The following TMOD1 variants were observed in gnomAD, a reference collection of about 807,000 sequenced individuals.
TMOD1 encodes the protein tropomodulin 1.
A neutral mutation model predicts 40.6 loss-of-function variants in TMOD1; 17 were observed. The ratio of observed to expected loss-of-function variants is 0.42; its 90% CI spans 0.29 to 0.63. The LOEUF is 0.63. Among genes scored for constraint, TMOD1 ranks in the 20% least tolerant of loss-of-function variants. The pLI is 0.22. For missense variants in TMOD1, 391 were observed against 447.6 expected (o/e 0.87, Z 1.14); for synonymous variants, 181 against 175.0 (o/e 1.03, Z -0.27).
rs1229170873 is a variant in TMOD1, at chr9:97,550,255, T to C, written c.278-3026T>C. ...TATACCTGAATGATATTCCACAATT[T>C]GTGTATCCATTCATCCACTGGTAAA... On this transcript the variant is annotated intron_variant, in intron 3 of 9. Transcript: ENST00000259365. 2.0e-5 allele frequency among the ~76,000 whole-genome samples: 3 copies of C among 152,246 alleles called. No homozygotes were observed. The South Asian group carries it at 6.2e-4, about 32-fold the overall frequency.
chr9:97,553,678 C>T (rs562753916), intron 4 of TMOD1, among the ~76,000 whole-genome samples: 15 of 152,264 alleles, frequency 9.9e-5, no homozygotes, highest in East Asian at 1.9e-4. Flanking sequence ...AGCCCACAGA[C>T]GCCCTTTCCC....
intron 4 of TMOD1, among the ~76,000 whole-genome samples, chr9:97,558,288 T>C (rs1382235180): frequency 6.6e-6 from 1 of 152,232 alleles, no homozygotes; most frequent in Admixed American, 6.5e-5. Context: ...TTTTAGAACT[T>C]TAGAACTGCT....
intron 9 of TMOD1, 103 bp downstream of exon 9, chr9:97,591,538 T>C: frequency 7.3e-7 from 1 of 1,365,534 alleles, no homozygotes; most frequent in South Asian, 1.4e-5. Flanking sequence ...CCGAGTCTTC[T>C]TGAGCCTTGA....
intron 2 of TMOD1, among the ~76,000 whole-genome samples, chr9:97,531,033 A>ACCCCCCCCCCCCCCCCC (rs202030181): frequency 7.7e-5 from 6 of 78,254 alleles, no homozygotes; most frequent in Non-Finnish European, 1.5e-4. Context: ...GGTGATCCAC[A>ACCCCCCCCCCCCCCCCC]CCCACCCCCC....
chr9:97,553,145 C>T (rs1054651843), intron 3 of TMOD1, 136 bp from the exon 4 acceptor site: 14 of 1,306,872 alleles, frequency 1.1e-5, no homozygotes, highest in Non-Finnish European at 1.4e-5. Flanking sequence ...AGTTGGTCCC[C>T]AGAGGGAGAA....
chr9:97,539,203 G>A (rs113762991), intron 2 of TMOD1, among the ~76,000 whole-genome samples: 2 of 152,236 alleles, frequency 1.3e-5, no homozygotes, highest in African/African-American at 4.8e-5. Context: ...TTTAGCAGAT[G>A]TTTATTGAAT....
Position 97,528,237 on chromosome 9 carries a change from G to A in TMOD1, c.120+3929G>A, listed in dbSNP as rs1046909505. 2.0e-5 allele frequency among the ~76,000 whole-genome samples: 3 copies of A among 152,152 alleles called. No homozygotes were observed. In the South Asian group the frequency reaches 6.2e-4, roughly 32 times the overall value. Reference sequence around the variant, plus strand: ...AGCACCTGGGGCTCAACTTGCTGACGGTCGCAGGACCCAGGCAGGCACGGA... The same window carrying A: ...AGCACCTGGGGCTCAACTTGCTGACAGTCGCAGGACCCAGGCAGGCACGGA... On this transcript the variant is annotated intron_variant, in intron 2 of 9. Transcript: ENST00000259365.
At chr9:97,536,550 G>T (rs553631679) in intron 2 of TMOD1, among the ~76,000 whole-genome samples, 2 of 152,252 alleles carry the variant, frequency 1.3e-5, no homozygotes, top group Admixed American at 1.3e-4. Context: ...CCACTCCCCT[G>T]CTTTCTAACA....
intron 2 of TMOD1, among the ~76,000 whole-genome samples, chr9:97,530,845 C>T (rs1347961047): frequency 3.7e-4 from 47 of 126,506 alleles, no homozygotes; most frequent in African/African-American, 1.3e-3. Flanking sequence ...TGGAGTGCAA[C>T]GGCGTGATCT....
rs1410557386 is a variant in TMOD1, at chr9:97,599,634, T to C, written c.1016T>C (p.Val339Ala). 1 of 1,614,104 alleles carries C rather than the reference T, an allele frequency of 6.2e-7. No individual in the cohort carries two copies. Among genetic ancestry groups the C allele is most frequent in the South Asian group, 1.1e-5 (1 of 91,078 alleles). Residue 339 changes from valine (V) to alanine (A), a missense_variant and splice_region_variant, in exon 10 of 10, where the codon GTG becomes GCG. Coordinates refer to ENST00000259365, the MANE Select transcript of TMOD1 (RefSeq NM_003275.4). Reference sequence around the variant, plus strand: ...ATATCTTATCTCCATTCCTTTCCAGTGAGGAAGAGGAGGCTTGCGGACCTG... The same window carrying C: ...ATATCTTATCTCCATTCCTTTCCAGCGAGGAAGAGGAGGCTTGCGGACCTG... Reference protein sequence around the residue: ...SNAMMNNNDLVRKRRLADLTG... With the variant: ...SNAMMNNNDLARKRRLADLTG...
chr9:97,563,984 A>T, intron 5 of TMOD1, 54 bp from the exon 6 acceptor site: 1 of 1,581,960 alleles, frequency 6.3e-7, no homozygotes, highest in Non-Finnish European at 8.6e-7. Context: ...TTGTGTTGGC[A>T]GAAAGTGAGC....
chr9:97,569,155 T>C, intron 8 of TMOD1, 118 bp downstream of exon 8: 1 of 1,344,338 alleles, frequency 7.4e-7, no homozygotes, highest in Non-Finnish European at 1.0e-6. Flanking sequence ...AGAGCCCAGC[T>C]TTGAGGGACC....
chr9:97,564,324 C>T (rs1830693650), intron 6 of TMOD1, among the ~76,000 whole-genome samples, 156 bp downstream of exon 6: 1 of 152,114 alleles, frequency 6.6e-6, no homozygotes, highest in Admixed American at 6.5e-5. Flanking sequence ...AAAACCTTTG[C>T]AAATGGGAGC....
In TMOD1 at chr9:97,524,247, G is replaced by A; in HGVS notation, c.59G>A (p.Gly20Glu). ...GACCTGGATGAAGATGAAATCCTTG[G>A]AGCCCTAACAGAGGAAGAGCTGAGG... ...YRDLDEDEIL[G>E]ALTEEELRTL... The change falls in exon 2 of 10, where the codon GGA becomes GAA. Residue 20 changes from glycine (G) to glutamate (E), a missense_variant. By Grantham distance (98) the Gly-to-Glu change is moderately conservative (BLOSUM62 -2). Coordinates refer to ENST00000259365, the MANE Select transcript of TMOD1 (RefSeq NM_003275.4). The A allele has an allele frequency of 6.2e-7, 1 of 1,614,196 alleles. No individual in the cohort carries two copies. Among genetic ancestry groups the A allele is most frequent in the South Asian group, 1.1e-5 (1 of 91,084 alleles).
At chr9:97,580,552 G>A (rs1825727165) in intron 8 of TMOD1, among the ~76,000 whole-genome samples, 1 of 151,854 alleles carries the variant, frequency 6.6e-6, no homozygotes, top group Non-Finnish European at 1.5e-5. Context: ...GCTGCAGTGA[G>A]CCGAGATTGC....
At chr9:97,542,559 A>G (rs1716425644) in intron 2 of TMOD1, among the ~76,000 whole-genome samples, 1 of 152,182 alleles carries the variant, frequency 6.6e-6, no homozygotes, top group African/African-American at 2.4e-5. Context: ...TGCCCCTCAA[A>G]GGAAATTTGG....
intron 1 of TMOD1, among the ~76,000 whole-genome samples, chr9:97,511,041 A>G (rs1829687314): frequency 6.6e-6 from 1 of 151,694 alleles, no homozygotes; most frequent in Non-Finnish European, 1.5e-5. Flanking sequence ...ACCCCAAGAG[A>G]TGCAAAATGA....
At chr9:97,534,259 C>T (rs376904896) in intron 2 of TMOD1, among the ~76,000 whole-genome samples, 3 of 152,158 alleles carry the variant, frequency 2.0e-5, no homozygotes, top group Non-Finnish European at 2.9e-5. Flanking sequence ...AAGCTTGAAT[C>T]GGGGACGATT....
chr9:97,595,534 T>C (rs1240833142), intron 9 of TMOD1, among the ~76,000 whole-genome samples: 1 of 73,476 alleles, frequency 1.4e-5, no homozygotes, highest in East Asian at 4.3e-4. Context: ...ACAAATTTCC[T>C]TTTTTTTTTT....
Sources: allele counts gnomAD v4.1 joint callset (sites outside exome capture counted in the v4.1 genomes callset), GRCh38; gene constraint gnomAD v4.1.1; transcripts MANE v1.5; gene names NCBI Gene and HGNC (gene_info 2026-07-23, HGNC 2026-07-21).